The following AGPAT4 variants were observed in gnomAD, a reference collection of about 807,000 sequenced individuals.
The protein encoded by AGPAT4 is 1-acylglycerol-3-phosphate O-acyltransferase 4.
A neutral mutation model predicts 48.0 loss-of-function variants in AGPAT4; 15 were observed. The ratio of observed to expected loss-of-function variants is 0.31; its 90% CI spans 0.21 to 0.48. AGPAT4 has a LOEUF of 0.48. Ranked by LOEUF, AGPAT4 falls within the 20% of genes least tolerant of loss-of-function variation. The pLI is 0.99. For missense variants in AGPAT4, 314 were observed against 482.5 expected, an observed-to-expected ratio of 0.65 and a Z score of 3.27; for synonymous variants, 178 against 198.7, an observed-to-expected ratio of 0.90 and a Z score of 0.88.
rs541694136 is a variant in AGPAT4 at position 161,234,879 on chromosome 6, T to A, written c.-89-2577A>T. Among the ~76,000 whole-genome samples the A allele has an allele frequency of 6.6e-6, 1 of 152,160 alleles. No individual in the cohort carries two copies. The highest frequency in any genetic ancestry group is 2.1e-4 in the South Asian group (1 of 4,820). ...ATTAGGAAGAAAAATTAAGAATTCT[T>A]TTTTCCTTATAAAATTTCAAGGTAA... is the stretch of plus-strand genomic sequence containing the variant. On this transcript the variant is annotated intron_variant, in intron 1 of 8. Transcript: ENST00000320285. This position sits in a 1 kb window ranked among gnomAD's most constrained non-coding sequence, Gnocchi z 4.4.
In AGPAT4 at chr6:161,254,515, C is replaced by G. The variant is rs994844381; in HGVS notation, c.-90+19423G>C. On this transcript the variant is annotated intron_variant, in intron 1 of 8. Coordinates refer to ENST00000320285, the MANE Select transcript of AGPAT4 (RefSeq NM_020133.3). The surrounding 1 kb of genome is among the most constrained non-coding windows in gnomAD (Gnocchi z 5.9). ...CAGCGAATATTTATAGAGCCTCTAC[C>G]GCGTGGCCCTGGTGATCTTTTCTCA... is the stretch of plus-strand genomic sequence containing the variant. Among the ~76,000 whole-genome samples, 6 of 152,198 alleles carry G rather than the reference C, an allele frequency of 3.9e-5. No individual in the cohort carries two copies. The highest frequency in any genetic ancestry group is 1.2e-4 in the African/African-American group (5 of 41,440).
At chr6:161,260,840 G>GT (rs1783080852) in intron 1 of AGPAT4, among the ~76,000 whole-genome samples, 1 of 151,916 alleles carries the variant, frequency 6.6e-6, no homozygotes. Context: ...AGTGAGCTGT[G>GT]TTTGAGCCAC....
intron 5 of AGPAT4, among the ~76,000 whole-genome samples, chr6:161,150,471 T>C (rs1779556224): frequency 6.6e-6 from 1 of 152,202 alleles, no homozygotes; most frequent in African/African-American, 2.4e-5. Context: ...CAAGTATTAA[T>C]AAAAGGAGTG....
chr6:161,149,267 T>G lies in AGPAT4; in HGVS notation c.687A>C (p.Thr229=). Residue 229 remains threonine (T), a synonymous_variant, in exon 6 of 9, where the codon ACA becomes ACC. Coordinates refer to ENST00000320285, the MANE Select transcript of AGPAT4 (RefSeq NM_020133.3). This position sits in a 1 kb window ranked among gnomAD's most constrained non-coding sequence, Gnocchi z 6.5. The part of the protein sequence containing the change: ...RNVVSAVYDC[T]LNFRNNENPT... ...GATTTTCATTATTTCTGAAATTGAG[T>G]GTACAGTCATATACAGCTGAAACTA... 6.2e-7 allele frequency: 1 copy of G among 1,612,804 alleles called. No homozygotes were observed. The highest frequency in any genetic ancestry group is 8.5e-7 in the Non-Finnish European group (1 of 1,179,960).
At chr6:161,194,705 G>A (rs938043130) in intron 2 of AGPAT4, among the ~76,000 whole-genome samples, 2 of 152,086 alleles carry the variant, frequency 1.3e-5, no homozygotes, top group African/African-American at 2.4e-5. Context: ...TATTGTGTGT[G>A]CGTATGTATG....
chr6:161,134,271 TTTGC>T lies in AGPAT4; in HGVS notation c.*2265_*2268del, dbSNP rs2114943832. 1 of 152,274 alleles carries T rather than the reference TTTGC, an allele frequency of 6.6e-6. No homozygotes were observed. The highest frequency in any genetic ancestry group is 2.4e-5 in the African/African-American group (1 of 41,558). 9.4% of individuals were successfully genotyped at this position (152,274 alleles called of 1,614,324 possible). ...ACCCAAGGCCCTAGCAGGCAGGCTG[TTTGC>T]TTGCTTGTGTGTTGTGTGATACCAG... On this transcript the variant is annotated 3_prime_UTR_variant, in exon 9 of 9. Coordinates refer to ENST00000320285, the MANE Select transcript of AGPAT4 (RefSeq NM_020133.3).
At position 161,195,574 on chromosome 6, in the gene AGPAT4, T is replaced by G. The variant is rs1781046489; in HGVS notation, c.179-29157A>C. The stretch of plus-strand genomic sequence containing the variant: ...GTTCACTCAGCAAGCCCATGATGCC[T>G]GTAGTATAAAAGCAAATGTTGCAGA... On this transcript the variant is annotated intron_variant, in intron 2 of 8. Transcript: ENST00000320285. The surrounding 1 kb of genome is among the most constrained non-coding windows in gnomAD (Gnocchi z 5.0). Among the ~76,000 whole-genome samples, 1 of 152,224 alleles carries G rather than the reference T, an allele frequency of 6.6e-6. No homozygotes were observed. Among genetic ancestry groups the G allele is most frequent in the South Asian group, 2.1e-4 (1 of 4,830 alleles).
chr6:161,254,006 C>T lies in AGPAT4; in HGVS notation c.-90+19932G>A, dbSNP rs527811595. On this transcript the variant is annotated intron_variant, in intron 1 of 8. Transcript: ENST00000320285. This position sits in a 1 kb window ranked among gnomAD's most constrained non-coding sequence, Gnocchi z 5.9. ...CACCTCTGATTTTACTATATATTAACAAATTGCTTTTTAAAATGGTTGGAC... is the reference window on the plus strand; with the variant it reads ...CACCTCTGATTTTACTATATATTAATAAATTGCTTTTTAAAATGGTTGGAC... 6.6e-6 allele frequency among the ~76,000 whole-genome samples: 1 copy of T among 152,296 alleles called. No homozygotes were observed. The highest frequency in any genetic ancestry group is 2.4e-5 in the African/African-American group (1 of 41,542).
chr6:161,143,112 G>A lies in AGPAT4; in HGVS notation c.843+3412C>T, dbSNP rs1779307517. ...TTTAGAGACAGGGTCTTGCTCTGCT[G>A]CCCAGGCTGGAGTGCAGTGGTGCAA... is the stretch of plus-strand genomic sequence containing the variant. On this transcript the variant is annotated intron_variant, in intron 7 of 8. Coordinates refer to ENST00000320285, the MANE Select transcript of AGPAT4 (RefSeq NM_020133.3). The surrounding 1 kb of genome is among the most constrained non-coding windows in gnomAD (Gnocchi z 4.7). Among the ~76,000 whole-genome samples, 2 of 152,184 alleles carry A rather than the reference G, an allele frequency of 1.3e-5. No individual in the cohort carries two copies. Among genetic ancestry groups the A allele is most frequent in the South Asian group, 2.1e-4 (1 of 4,822 alleles).
At position 161,137,734 on chromosome 6, in the gene AGPAT4, C is replaced by T. The variant is rs1342520028; in HGVS notation, c.1043-1100G>A. Among the ~76,000 whole-genome samples, 4 of 152,130 alleles carry T rather than the reference C, an allele frequency of 2.6e-5. No homozygotes were observed. Among genetic ancestry groups the T allele is most frequent in the Non-Finnish European group, 5.9e-5 (4 of 68,018 alleles). On this transcript the variant is annotated intron_variant, in intron 8 of 8. Coordinates refer to ENST00000320285, the MANE Select transcript of AGPAT4 (RefSeq NM_020133.3). This position sits in a 1 kb window ranked among gnomAD's most constrained non-coding sequence, Gnocchi z 6.1. The stretch of plus-strand genomic sequence containing the variant: ...ACGGCAGTCAGCTCCTCAGATGCTC[C>T]TGGAGACGCCGTGTCCACACTGCAC...
rs1382560716 is a variant in AGPAT4, at chr6:161,234,888, A to T, written c.-89-2586T>A. On this transcript the variant is annotated intron_variant, in intron 1 of 8. Coordinates refer to ENST00000320285, the MANE Select transcript of AGPAT4 (RefSeq NM_020133.3). The surrounding 1 kb of genome is among the most constrained non-coding windows in gnomAD (Gnocchi z 4.4). ...AAAAATTAAGAATTCTTTTTTCCTT[A>T]TAAAATTTCAAGGTAAATTGAAATT... Among the ~76,000 whole-genome samples the T allele has an allele frequency of 6.6e-6, 1 of 152,094 alleles. No homozygotes were observed. Among genetic ancestry groups the T allele is most frequent in the Non-Finnish European group, 1.5e-5 (1 of 68,010 alleles).
chr6:161,182,462 C>T (rs1312060478), intron 2 of AGPAT4, among the ~76,000 whole-genome samples: 1 of 150,014 alleles, frequency 6.7e-6, no homozygotes, highest in African/African-American at 2.5e-5. Context: ...CACCCTATCC[C>T]CTCACCCCAG....
intron 1 of AGPAT4, among the ~76,000 whole-genome samples, chr6:161,252,243 G>A (rs1266462480): frequency 6.6e-6 from 1 of 152,150 alleles, no homozygotes; most frequent in Non-Finnish European, 1.5e-5. Flanking sequence ...TAATAGGAGA[G>A]TCCTCTCTCC....
At chr6:161,205,153 C>A (rs747544791) in intron 2 of AGPAT4, among the ~76,000 whole-genome samples, 2 of 152,142 alleles carry the variant, frequency 1.3e-5, no homozygotes, top group Non-Finnish European at 2.9e-5. Context: ...CACGACTGAT[C>A]CTAAAATGTG....
chr6:161,245,155 G>A lies in AGPAT4; in HGVS notation c.-89-12853C>T, dbSNP rs1317571953. 6.6e-6 allele frequency among the ~76,000 whole-genome samples: 1 copy of A among 152,242 alleles called. No homozygotes were observed. Among genetic ancestry groups the A allele is most frequent in the African/African-American group, 2.4e-5 (1 of 41,472 alleles). ...ATTCATGGTGGAATAAATAAATGCA[G>A]CAGGGGAGGTAGCCAGTATTTAGAG... On this transcript the variant is annotated intron_variant, in intron 1 of 8. Transcript: ENST00000320285. The surrounding 1 kb of genome is among the most constrained non-coding windows in gnomAD (Gnocchi z 5.2).
rs934518120 is a variant in AGPAT4, at chr6:161,208,869, G to GA, written c.178+23166dup. Among the ~76,000 whole-genome samples the GA allele has an allele frequency of 2.6e-5, 4 of 152,032 alleles. No homozygotes were observed. Among genetic ancestry groups the GA allele is most frequent in the African/African-American group, 7.3e-5 (3 of 41,372 alleles). Reference sequence around the variant, plus strand: ...GATGAAATGCACAGCTGCCTAACAGGAAAAAAATCATTAATAATCAGGTGA... The same window carrying GA: ...GATGAAATGCACAGCTGCCTAACAGGAAAAAAAATCATTAATAATCAGGTGA... On this transcript the variant is annotated intron_variant, in intron 2 of 8. Transcript: ENST00000320285. This position sits in a 1 kb window ranked among gnomAD's most constrained non-coding sequence, Gnocchi z 4.6.
rs1204430782 is a variant in AGPAT4 at position 161,161,326 on chromosome 6, C to T, written c.348+4922G>A. On this transcript the variant is annotated intron_variant, in intron 3 of 8. Transcript: ENST00000320285. The surrounding 1 kb of genome is among the most constrained non-coding windows in gnomAD (Gnocchi z 4.6). ...GTGCAGCCATAGTCCCGTGAGCTGCCCACTTCCTGCCCTGGCCAGTGGTTC... is the reference window on the plus strand; with the variant it reads ...GTGCAGCCATAGTCCCGTGAGCTGCTCACTTCCTGCCCTGGCCAGTGGTTC... 1 of 456,716 alleles carries T rather than the reference C, an allele frequency of 2.2e-6. No individual in the cohort carries two copies. Among genetic ancestry groups the T allele is most frequent in the Admixed American group, 2.3e-5 (1 of 42,580 alleles). 28.3% of individuals were successfully genotyped at this position (456,716 alleles called of 1,614,324 possible). A position where few individuals can be genotyped will look rare whatever the true frequency, so the allele number is the denominator to read the frequency against.
In AGPAT4 at chr6:161,146,651, AT is replaced by A. The variant is rs1779439288; in HGVS notation, c.768-53del. On this transcript the variant is annotated intron_variant, in intron 6 of 8. Coordinates refer to ENST00000320285, the MANE Select transcript of AGPAT4 (RefSeq NM_020133.3). The surrounding 1 kb of genome is among the most constrained non-coding windows in gnomAD (Gnocchi z 7.1). ...AGAGGAGGTGATGCCCCCCTACAACATACAGTTTCCAGTAACGGTGCTGCCG... is the reference window on the plus strand; with the variant it reads ...AGAGGAGGTGATGCCCCCCTACAACAACAGTTTCCAGTAACGGTGCTGCCG... 6.4e-7 allele frequency: 1 copy of A among 1,561,224 alleles called. No individual in the cohort carries two copies.
chr6:161,149,070 A>G lies in AGPAT4; in HGVS notation c.767+117T>C. ...ATGTGTCAAATTCAATGCAAAACAG[A>G]CTGCAAAGAAGTCAGTGTGACCCAG... On this transcript the variant is annotated intron_variant, in intron 6 of 8. Transcript: ENST00000320285. The surrounding 1 kb of genome is among the most constrained non-coding windows in gnomAD (Gnocchi z 6.5). 3 of 1,341,414 alleles carry G rather than the reference A, an allele frequency of 2.2e-6. No individual in the cohort carries two copies. Among genetic ancestry groups the G allele is most frequent in the South Asian group, 3.1e-5 (2 of 64,546 alleles). The allele number at this position is 1,341,414 out of a possible 1,614,324, so 83.1% of individuals were successfully genotyped here.
Sources: allele counts gnomAD v4.1 joint callset (sites outside exome capture counted in the v4.1 genomes callset), GRCh38; gene constraint gnomAD v4.1.1; non-coding constraint Gnocchi (gnomAD v3.1); transcripts MANE v1.5; gene names NCBI Gene and HGNC (gene_info 2026-07-23, HGNC 2026-07-21).